DPYD: variants seen among roughly 807,000 people sequenced by gnomAD.
The protein encoded by DPYD is dihydropyrimidine dehydrogenase [NADP(+)].
DPYD carries 109 observed loss-of-function variants against 116.2 expected under a neutral mutation model. The ratio of observed to expected loss-of-function variants is 0.94; its 90% CI spans 0.80 to 1.10. The LOEUF (loss-of-function observed/expected upper bound fraction) is 1.10. Among genes scored for constraint, DPYD ranks in the 50% least tolerant of loss-of-function variants. The pLI is 0.00. For missense variants in DPYD, 1,302 were observed against 1,254.5 expected (o/e 1.04, Z -0.57); for synonymous variants, 440 against 432.0 (o/e 1.02, Z -0.23).
chr1:97,713,278 A>C (rs910982414), intron 5 of DPYD, among the ~76,000 whole-genome samples: 1 of 152,086 alleles, frequency 6.6e-6, no homozygotes, highest in Non-Finnish European at 1.5e-5. Flanking sequence ...TAAAACTGTA[A>C]ATTGGCAACG....
chr1:97,608,668 T>C (rs1237765453), intron 8 of DPYD, among the ~76,000 whole-genome samples: 2 of 151,836 alleles, frequency 1.3e-5, no homozygotes, highest in African/African-American at 4.8e-5. Context: ...ATGAAGCATG[T>C]AGACAGATAT....
chr1:97,821,056 G>C (rs1668901025), intron 3 of DPYD, among the ~76,000 whole-genome samples: 1 of 151,914 alleles, frequency 6.6e-6, no homozygotes, highest in African/African-American at 2.4e-5. Flanking sequence ...TCTACTGCCT[G>C]TGAGACTGAA....
At chr1:97,136,463 C>G (rs77087731) in intron 20 of DPYD, among the ~76,000 whole-genome samples, 1,611 of 152,256 alleles carry the variant, frequency 0.011, 25 homozygotes, top group African/African-American at 0.036. Context: ...CTCGCGAATC[C>G]AGTCATGTAT....
chr1:97,722,788 TAAA>T (rs1662996637), intron 4 of DPYD, among the ~76,000 whole-genome samples: 1 of 151,516 alleles, frequency 6.6e-6, no homozygotes, highest in African/African-American at 2.4e-5. Context: ...CCCAGCACTT[TAAA>T]AGACTTTTAT....
At chr1:97,155,445 A>G (rs1443425101) in intron 20 of DPYD, among the ~76,000 whole-genome samples, 1 of 152,156 alleles carries the variant, frequency 6.6e-6, no homozygotes, top group East Asian at 1.9e-4. Context: ...GAGTCATTAA[A>G]AAAGAACTAT....
intron 13 of DPYD, among the ~76,000 whole-genome samples, chr1:97,460,655 G>A (rs955674263): frequency 6.6e-6 from 1 of 152,032 alleles, no homozygotes; most frequent in African/African-American, 2.4e-5. Context: ...TCTTTTATCT[G>A]ACTAAAGGAA....
At chr1:97,419,905 G>A (rs557143827) in intron 14 of DPYD, 1 of 152,314 alleles carries the variant, frequency 6.6e-6, no homozygotes, top group Admixed American at 6.5e-5. Context: ...TTCTGACAAT[G>A]CCTATTTTCC....
rs566887231 is a variant in DPYD, at chr1:97,403,934, T to C, written c.1906-21473A>G. ...TTTTTAATATATGCACTCAATGATATAAATTGCCCTTTAAGTACTACTTTT... is the reference window on the plus strand; with the variant it reads ...TTTTTAATATATGCACTCAATGATACAAATTGCCCTTTAAGTACTACTTTT... On this transcript the variant is annotated intron_variant, in intron 14 of 22. Coordinates refer to ENST00000370192, the MANE Select transcript of DPYD (RefSeq NM_000110.4). 2.0e-5 allele frequency among the ~76,000 whole-genome samples: 3 copies of C among 152,194 alleles called. No homozygotes were observed. In the East Asian group the frequency reaches 5.8e-4, roughly 29 times the overall value.
intron 3 of DPYD, among the ~76,000 whole-genome samples, chr1:97,783,732 A>G (rs1246909764): frequency 6.6e-6 from 1 of 152,174 alleles, no homozygotes; most frequent in Non-Finnish European, 1.5e-5. Flanking sequence ...GGCATCATTT[A>G]CCAGAGGTCA....
At chr1:97,417,875 G>C (rs1674370375) in intron 14 of DPYD, among the ~76,000 whole-genome samples, 1 of 152,128 alleles carries the variant, frequency 6.6e-6, no homozygotes, top group South Asian at 2.1e-4. Context: ...GGAAATTCAT[G>C]TCTGTGAGAA....
chr1:97,640,340 A>T (rs893909672), intron 8 of DPYD, among the ~76,000 whole-genome samples: 1 of 151,472 alleles, frequency 6.6e-6, no homozygotes, highest in South Asian at 2.1e-4. Flanking sequence ...TTTTTGACGG[A>T]GTCTCTCTCT....
intron 8 of DPYD, among the ~76,000 whole-genome samples, chr1:97,657,319 T>G (rs1410514773): frequency 6.6e-6 from 1 of 152,096 alleles, no homozygotes; most frequent in Non-Finnish European, 1.5e-5. Flanking sequence ...TAAGCAAGGA[T>G]TAGGGAAAAC....
At chr1:97,874,746 ATCTACC>A in intron 2 of DPYD, among the ~76,000 whole-genome samples, 1 of 152,024 alleles carries the variant, frequency 6.6e-6, no homozygotes, top group African/African-American at 2.4e-5. Flanking sequence ...AAGCTATCAC[ATCTACC>A]AACAACATTA....
chr1:97,323,241 CACATTTATATACTTATAT>C (rs1668415421), intron 16 of DPYD, among the ~76,000 whole-genome samples: 1 of 112,228 alleles, frequency 8.9e-6, no homozygotes, highest in African/African-American at 3.0e-5. Flanking sequence ...TATATGTATA[CACATTTATATACTTATAT>C]ACATATGTGT....
intron 20 of DPYD, among the ~76,000 whole-genome samples, chr1:97,169,831 T>G (rs565410607): frequency 6.6e-6 from 1 of 152,278 alleles, no homozygotes; most frequent in South Asian, 2.1e-4. Flanking sequence ...TTGTTGACAT[T>G]CTATGCTCAT....
chr1:97,755,712 T>G (rs1034065630), intron 3 of DPYD, among the ~76,000 whole-genome samples: 4 of 152,210 alleles, frequency 2.6e-5, no homozygotes, highest in Non-Finnish European at 5.9e-5. Context: ...CCAGCTCTAT[T>G]ATTAGCTTTG....
chr1:97,175,665 C>A (rs1657197281), intron 20 of DPYD, among the ~76,000 whole-genome samples: 1 of 152,098 alleles, frequency 6.6e-6, no homozygotes, highest in African/African-American at 2.4e-5. Context: ...CTCAACTATA[C>A]CTTATTTCCC....
chr1:97,885,188 C>G (rs1261055594), intron 1 of DPYD, among the ~76,000 whole-genome samples: 1 of 151,902 alleles, frequency 6.6e-6, no homozygotes, highest in Non-Finnish European at 1.5e-5. Context: ...CCTTCCAAAT[C>G]TAGATTCCAT....
intron 16 of DPYD, among the ~76,000 whole-genome samples, chr1:97,363,998 G>T (rs1020118415): frequency 1.3e-5 from 2 of 152,056 alleles, no homozygotes; most frequent in South Asian, 2.1e-4. Flanking sequence ...TGCTACAAAA[G>T]ACATTATTTC....
Sources: gnomAD v4.1 joint callset for allele counts (sites outside exome capture counted in the v4.1 genomes callset) on GRCh38, gnomAD v4.1.1 for gene constraint, MANE v1.5 for transcripts, NCBI Gene and HGNC (gene_info 2026-07-23, HGNC 2026-07-21) for gene names.